Variants in EBF2 observed in about 807,000 individuals in gnomAD.
EBF2 encodes the protein EBF transcription factor 2.
In EBF2, 21 loss-of-function variants were observed where a neutral mutation model predicts 72.8. That is an observed-to-expected ratio of 0.29 (90% CI 0.20 to 0.42). The LOEUF (loss-of-function observed/expected upper bound fraction) is 0.42. Ranked by LOEUF, EBF2 falls within the 10% of genes least tolerant of loss-of-function variation. EBF2 has a pLI of 1.00. For synonymous variants in EBF2, 299 were observed against 274.2 expected (o/e 1.09, Z -0.89); for missense variants, 637 against 731.2 (o/e 0.87, Z 1.49).
At chr8:25,846,732 A>G (rs1009805275) in intron 15 of EBF2, among the ~76,000 whole-genome samples, 1 of 152,132 alleles carries the variant, frequency 6.6e-6, no homozygotes, top group African/African-American at 2.4e-5. Flanking sequence ...GGGTGCTCAG[A>G]GAGATACCAA....
intron 6 of EBF2, among the ~76,000 whole-genome samples, chr8:26,021,545 G>C (rs1319660686): frequency 1.3e-5 from 2 of 152,172 alleles, no homozygotes; most frequent in Non-Finnish European, 2.9e-5. Context: ...AGGTTTGCCA[G>C]ATAAAATACA....
rs200865935 is a variant in EBF2 at position 26,002,685 on chromosome 8, G to GAGT, written c.551+30397_551+30399dup. On this transcript the variant is annotated intron_variant, in intron 6 of 15. Coordinates refer to ENST00000520164, the MANE Select transcript of EBF2 (RefSeq NM_022659.4). Reference sequence around the variant, plus strand: ...AGACTTCTTTTCCTTGCAGGCTTTGGAGTGCTGGGTGAGAAATAAATAATG... The same window carrying GAGT: ...AGACTTCTTTTCCTTGCAGGCTTTGGAGTAGTGCTGGGTGAGAAATAAATAATG... 3.7e-3 allele frequency among the ~76,000 whole-genome samples: 570 copies of GAGT among 152,322 alleles called. 2 individuals carry two copies. Among genetic ancestry groups the GAGT allele is most frequent in the African/African-American group, 0.012 (517 of 41,574 alleles).
chr8:26,011,368 T>C (rs1805018928), intron 6 of EBF2, among the ~76,000 whole-genome samples: 1 of 152,192 alleles, frequency 6.6e-6, no homozygotes, highest in African/African-American at 2.4e-5. Flanking sequence ...GTGGGGAATA[T>C]GCCTCTAGTT....
At chr8:25,850,787 T>C in intron 14 of EBF2, 26 bp from the exon 15 acceptor site, 1 of 1,544,218 alleles carries the variant, frequency 6.5e-7, no homozygotes, top group Non-Finnish European at 8.7e-7. Context: ...ACAATCCTCA[T>C]TTAGAAATTA....
chr8:25,966,294 C>T (rs1804114036), intron 6 of EBF2, among the ~76,000 whole-genome samples: 1 of 152,168 alleles, frequency 6.6e-6, no homozygotes, highest in East Asian at 1.9e-4. Flanking sequence ...TGGCATAAGT[C>T]GCTCAACCCT....
At chr8:26,043,431 G>C (rs1805642769) in intron 1 of EBF2, among the ~76,000 whole-genome samples, 1 of 152,240 alleles carries the variant, frequency 6.6e-6, no homozygotes. Context: ...GCGTCTTTAA[G>C]GAGCCCAGCT....
chr8:25,970,723 T>C (rs1804177677), intron 6 of EBF2, among the ~76,000 whole-genome samples: 4 of 152,184 alleles, frequency 2.6e-5, no homozygotes, highest in Non-Finnish European at 5.9e-5. Context: ...GTCCATAACT[T>C]TCTATCACCC....
At chr8:25,940,632 A>T (rs199888020) in intron 6 of EBF2, among the ~76,000 whole-genome samples, 3,009 of 138,330 alleles carry the variant, frequency 0.022, 76 homozygotes, top group African/African-American at 0.069. Context: ...AAAAAAAAAA[A>T]TAAAAAAAAA....
intron 10 of EBF2, among the ~76,000 whole-genome samples, chr8:25,868,650 A>AT (rs1043326987): frequency 6.6e-6 from 1 of 151,982 alleles, no homozygotes; most frequent in African/African-American, 2.4e-5. Context: ...TAATTTTTGT[A>AT]TTTTTGGTAG....
chr8:26,038,048 C>T (rs1340675405), intron 5 of EBF2, among the ~76,000 whole-genome samples: 2 of 152,190 alleles, frequency 1.3e-5, no homozygotes, highest in African/African-American at 2.4e-5. Flanking sequence ...ACAACTGGCT[C>T]TTAAAATGTA....
At chr8:25,865,265 CAT>C (rs1333689303) in intron 10 of EBF2, among the ~76,000 whole-genome samples, 5 of 152,196 alleles carry the variant, frequency 3.3e-5, no homozygotes, top group African/African-American at 1.2e-4. Context: ...TGCTGCTCAT[CAT>C]ATAGGTGCTA....
intron 9 of EBF2, among the ~76,000 whole-genome samples, chr8:25,887,359 T>C (rs1802709248): frequency 6.6e-6 from 1 of 152,234 alleles, no homozygotes; most frequent in Non-Finnish European, 1.5e-5. Context: ...CACTTATCTT[T>C]TTGTCATGTT....
chr8:25,919,623 C>CA (rs1041834146), intron 6 of EBF2, among the ~76,000 whole-genome samples: 7 of 151,458 alleles, frequency 4.6e-5, no homozygotes, highest in East Asian at 1.9e-4. Flanking sequence ...ACCAGGCAGC[C>CA]AAAAAAAAAT....
At chr8:25,854,614 G>A (rs1037214780) in intron 14 of EBF2, among the ~76,000 whole-genome samples, 7 of 151,860 alleles carry the variant, frequency 4.6e-5, no homozygotes, top group South Asian at 2.1e-4. Context: ...TTACCTATAC[G>A]TGCTTTTCAA....
At chr8:25,865,118 C>T (rs995125951) in intron 10 of EBF2, among the ~76,000 whole-genome samples, 5 of 151,890 alleles carry the variant, frequency 3.3e-5, no homozygotes, top group African/African-American at 1.2e-4. Context: ...TTATTCTTAT[C>T]CATTTATTCT....
intron 6 of EBF2, among the ~76,000 whole-genome samples, chr8:25,972,870 C>CTTT (rs35053241): frequency 0.013 from 1,605 of 124,658 alleles, 40 homozygotes; most frequent in African/African-American, 0.037. Context: ...TGCAGTTTGG[C>CTTT]TTTTTTTTTT....
chr8:25,892,541 A>C (rs1295858204), intron 7 of EBF2, among the ~76,000 whole-genome samples: 2 of 151,976 alleles, frequency 1.3e-5, no homozygotes, highest in Admixed American at 1.3e-4. Flanking sequence ...TCCTACCCCC[A>C]CCACCAGCAA....
At chr8:25,878,227 A>G (rs1802553850) in intron 10 of EBF2, among the ~76,000 whole-genome samples, 2 of 152,204 alleles carry the variant, frequency 1.3e-5, no homozygotes, top group Admixed American at 1.3e-4. Flanking sequence ...CAGAACCAGA[A>G]TGACTTTTTG....
At chr8:25,883,478 T>C (rs958718047) in intron 10 of EBF2, among the ~76,000 whole-genome samples, 1 of 151,926 alleles carries the variant, frequency 6.6e-6, no homozygotes, top group Non-Finnish European at 1.5e-5. Flanking sequence ...AGAGGTGTAC[T>C]GATATTATTG....
Sources: allele counts gnomAD v4.1 joint callset (sites outside exome capture counted in the v4.1 genomes callset), GRCh38; gene constraint gnomAD v4.1.1; transcripts MANE v1.5; gene names NCBI Gene and HGNC (gene_info 2026-07-23, HGNC 2026-07-21).